The following TANC2 variants were observed in gnomAD, a reference collection of about 807,000 sequenced individuals.
The protein encoded by TANC2 is tetratricopeptide repeat, ankyrin repeat and coiled-coil containing 2.
In TANC2, 26 loss-of-function variants were observed where a neutral mutation model predicts 210.5. That is an observed-to-expected ratio of 0.12 (90% CI 0.09 to 0.17). The LOEUF (loss-of-function observed/expected upper bound fraction) is 0.17, where lower values mean the gene tolerates loss of function less well. TANC2 is among the 10% of genes least tolerant of loss of function. The pLI is 1.00. For missense variants in TANC2, 2,129 were observed against 2,608.9 expected (o/e 0.82, Z 4.01); for synonymous variants, 931 against 967.1 (o/e 0.96, Z 0.69).
intron 2 of TANC2, among the ~76,000 whole-genome samples, chr17:63,049,585 A>G (rs577804765): frequency 6.6e-6 from 1 of 152,318 alleles, no homozygotes; most frequent in African/African-American, 2.4e-5. Context: ...CAAGAGTGGT[A>G]GGAGATGAGG....
chr17:63,025,848 A>AAAATAAAATAAAAT (rs2034533159), intron 2 of TANC2, among the ~76,000 whole-genome samples: 1 of 151,434 alleles, frequency 6.6e-6, no homozygotes, highest in Admixed American at 6.6e-5. Flanking sequence ...AAAATAAAAT[A>AAAATAAAATAAAAT]AAATAAAATA....
At chr17:63,073,370 T>C (rs1281606051) in intron 2 of TANC2, among the ~76,000 whole-genome samples, 1 of 152,084 alleles carries the variant, frequency 6.6e-6, no homozygotes, top group Non-Finnish European at 1.5e-5. Flanking sequence ...TGGTTATTTC[T>C]TAAAAGAAGA....
intron 9 of TANC2, among the ~76,000 whole-genome samples, chr17:63,286,920 T>G (rs1354382618): frequency 1.3e-5 from 2 of 151,986 alleles, no homozygotes; most frequent in South Asian, 2.1e-4. Context: ...GTGTGTGTGT[T>G]TGTTTGTTTG....
chr17:63,378,440 A>G (rs1369827956), intron 14 of TANC2, among the ~76,000 whole-genome samples: 1 of 152,188 alleles, frequency 6.6e-6, no homozygotes, highest in Non-Finnish European at 1.5e-5. Flanking sequence ...TAAACAGAAC[A>G]GAAATCTATT....
chr17:63,215,790 C>G (rs969418870), intron 7 of TANC2, among the ~76,000 whole-genome samples: 1 of 151,680 alleles, frequency 6.6e-6, no homozygotes, highest in African/African-American at 2.4e-5. Context: ...CACTCTGTTG[C>G]CCAGGCTGGA....
At chr17:63,044,064 A>G (rs991722021) in intron 2 of TANC2, among the ~76,000 whole-genome samples, 19 of 152,000 alleles carry the variant, frequency 1.3e-4, no homozygotes, top group African/African-American at 2.4e-4. Context: ...TTCATTCTCT[A>G]TTTTGCGTTA....
At chr17:63,026,180 T>G (rs2034546875) in intron 2 of TANC2, among the ~76,000 whole-genome samples, 1 of 152,120 alleles carries the variant, frequency 6.6e-6, no homozygotes, top group Non-Finnish European at 1.5e-5. Flanking sequence ...CCTTTTAAAT[T>G]TTGTCTCTGT....
intron 15 of TANC2, among the ~76,000 whole-genome samples, chr17:63,381,017 C>G (rs1401142547): frequency 6.6e-6 from 1 of 152,192 alleles, no homozygotes; most frequent in Non-Finnish European, 1.5e-5. Context: ...AGAGCATTGT[C>G]CTGCTGTTAG....
intron 8 of TANC2, among the ~76,000 whole-genome samples, chr17:63,255,723 G>C: frequency 6.6e-6 from 1 of 151,618 alleles, no homozygotes; most frequent in South Asian, 2.1e-4. Flanking sequence ...CTGGCTAAAA[G>C]TTTGTCAATT....
In TANC2 at chr17:63,354,718, T is replaced by G. The variant is rs571028002; in HGVS notation, c.1975-65T>G. 9 of 1,512,352 alleles carry G rather than the reference T, an allele frequency of 6.0e-6. No homozygotes were observed. In the South Asian group the frequency reaches 9.6e-5, roughly 16 times the overall value. The allele number at this position is 1,512,352 out of a possible 1,614,324, so 93.7% of individuals were successfully genotyped here. ...CAGAATACATTTGTGAACCTCATAG[T>G]TTATCACAAGAGTTAGGGGAAACTG... On this transcript the variant is annotated intron_variant, in intron 13 of 27. Transcript: ENST00000689528.
chr17:63,377,218 TC>T lies in TANC2; in HGVS notation c.2583-2496del, dbSNP rs751742387. ...CCTTCAACGTGCCCTGGAGACATTTTCCCCATTGGCTTGGTGATTCAACATT... is the reference window on the plus strand; with the variant it reads ...CCTTCAACGTGCCCTGGAGACATTTTCCCATTGGCTTGGTGATTCAACATT... On this transcript the variant is annotated intron_variant, in intron 14 of 27. Transcript: ENST00000689528. 9.5e-4 allele frequency among the ~76,000 whole-genome samples: 145 copies of T among 152,326 alleles called. 1 individual carries two copies. The highest frequency in any genetic ancestry group is 6.0e-4 in the Non-Finnish European group (41 of 68,030).
intron 4 of TANC2, 68 bp from the exon 5 acceptor site, chr17:63,151,198 CCCTT>C (rs887235769): frequency 5.5e-5 from 39 of 704,590 alleles, no homozygotes; most frequent in Non-Finnish European, 6.5e-5. Context: ...CTGTTTCTCT[CCCTT>C]CCTTTCTCTT....
chr17:63,314,654 C>T lies in TANC2; in HGVS notation c.1426C>T (p.His476Tyr). Residue 476 changes from histidine to tyrosine, a missense_variant, in exon 10 of 28, where the codon CAT becomes TAT. Coordinates refer to ENST00000689528, the Ensembl canonical transcript of TANC2. ...GAGACAGATCGCCTCAGACAGCCCA[C>T]ATGCCTCCCCCAAACGTACGTATTC... 6.2e-7 allele frequency: 1 copy of T among 1,613,592 alleles called. No homozygotes were observed. Among genetic ancestry groups the T allele is most frequent in the South Asian group, 1.1e-5 (1 of 91,080 alleles).
At chr17:63,406,045 G>A (rs1177426162) in intron 20 of TANC2, 109 bp from the exon 21 acceptor site, 1 of 1,398,418 alleles carries the variant, frequency 7.2e-7, no homozygotes, top group African/African-American at 1.4e-5. Context: ...AAGATACATG[G>A]GTGACTCGTA....
chr17:63,358,379 A>ATGTGTGTGTGTGTGTGTGTG (rs375498280), intron 14 of TANC2, among the ~76,000 whole-genome samples: 146 of 139,514 alleles, frequency 1.0e-3, no homozygotes, highest in Non-Finnish European at 1.5e-3. Context: ...GAGAGAGAGT[A>ATGTGTGTGTGTGTGTGTGTG]TGTGTGTGTG....
intron 4 of TANC2, among the ~76,000 whole-genome samples, chr17:63,139,150 T>C (rs1337757942): frequency 6.6e-6 from 1 of 152,204 alleles, no homozygotes; most frequent in Non-Finnish European, 1.5e-5. Context: ...ACTTATTACT[T>C]TCTCTGTTTA....
chr17:63,118,939 C>T (rs1396418215), intron 4 of TANC2, among the ~76,000 whole-genome samples: 6 of 151,916 alleles, frequency 3.9e-5, no homozygotes, highest in Non-Finnish European at 5.9e-5. Flanking sequence ...CCCACCACCA[C>T]GCCCGGCTAA....
At chr17:63,306,010 C>T (rs1418116763) in intron 9 of TANC2, among the ~76,000 whole-genome samples, 1 of 152,210 alleles carries the variant, frequency 6.6e-6, no homozygotes, top group Non-Finnish European at 1.5e-5. Flanking sequence ...AGATTTGATA[C>T]AGCAGAAAAC....
At chr17:63,152,447 T>A (rs1401722025) in intron 5 of TANC2, 1 of 152,080 alleles carries the variant, frequency 6.6e-6, no homozygotes, top group African/African-American at 2.4e-5. Context: ...CTGAAAGACC[T>A]TGGGGATTTT....
Sources: allele counts gnomAD v4.1 joint callset (sites outside exome capture counted in the v4.1 genomes callset), GRCh38; gene constraint gnomAD v4.1.1; transcripts MANE v1.5; gene names NCBI Gene and HGNC (gene_info 2026-07-23, HGNC 2026-07-21).